Variants in AMOTL1 observed in about 807,000 individuals in gnomAD.
The protein encoded by AMOTL1 is angiomotin like 1.
A neutral mutation model predicts 102.9 loss-of-function variants in AMOTL1; 45 were observed. That is an observed-to-expected ratio of 0.44 (90% CI 0.34 to 0.56). The LOEUF is 0.56. Among genes scored for constraint, AMOTL1 ranks in the 20% least tolerant of loss-of-function variants. The pLI, the probability that AMOTL1 is intolerant of heterozygous loss-of-function variation, is 0.01. For missense variants in AMOTL1, 1,114 were observed against 1,225.6 expected (o/e 0.91, Z 1.36); for synonymous variants, 481 against 484.7 (o/e 0.99, Z 0.10).
chr11:94,759,571 C>CAAAAA (rs59815376), intron 3 of AMOTL1, among the ~76,000 whole-genome samples: 3 of 129,882 alleles, frequency 2.3e-5, no homozygotes, highest in African/African-American at 8.6e-5. Flanking sequence ...CTTTTAGGTG[C>CAAAAA]AAAAAAAAAA....
At chr11:94,865,135 T>G (rs1443165073) in intron 10 of AMOTL1, among the ~76,000 whole-genome samples, 1 of 152,158 alleles carries the variant, frequency 6.6e-6, no homozygotes, top group East Asian at 1.9e-4. Context: ...CAGAAGAATT[T>G]AGATGTCTGT....
At chr11:94,819,438 G>T (rs1951824462) in intron 3 of AMOTL1, among the ~76,000 whole-genome samples, 1 of 152,066 alleles carries the variant, frequency 6.6e-6, no homozygotes, top group African/African-American at 2.4e-5. Flanking sequence ...TAGTTCCTCT[G>T]CCCTATTTTT....
intron 2 of AMOTL1, among the ~76,000 whole-genome samples, chr11:94,738,376 GC>G (rs1262282570): frequency 6.6e-6 from 1 of 151,824 alleles, no homozygotes; most frequent in Non-Finnish European, 1.5e-5. Flanking sequence ...TCCTGCCTCA[GC>G]CTCCTGAGTA....
At chr11:94,851,046 G>A (rs1423164402) in intron 7 of AMOTL1, among the ~76,000 whole-genome samples, 1 of 152,218 alleles carries the variant, frequency 6.6e-6, no homozygotes. Flanking sequence ...TGGAGTAAAC[G>A]AGGGTCTTGC....
intron 6 of AMOTL1, among the ~76,000 whole-genome samples, chr11:94,845,149 C>A (rs1410673313): frequency 1.3e-5 from 2 of 152,148 alleles, no homozygotes; most frequent in Non-Finnish European, 2.9e-5. Flanking sequence ...GGTCGTCTGT[C>A]CCATGGATCA....
intron 9 of AMOTL1, among the ~76,000 whole-genome samples, chr11:94,861,144 C>T (rs1463169606): frequency 1.3e-5 from 2 of 151,968 alleles, no homozygotes; most frequent in Non-Finnish European, 2.9e-5. Context: ...GGAAGCAGCC[C>T]GCAGTATCCA....
chr11:94,804,295 T>C (rs1281737621), intron 3 of AMOTL1, among the ~76,000 whole-genome samples: 1 of 152,178 alleles, frequency 6.6e-6, no homozygotes, highest in African/African-American at 2.4e-5. Flanking sequence ...AGGCAAATAG[T>C]GTTTTGTTGT....
intron 6 of AMOTL1, among the ~76,000 whole-genome samples, chr11:94,837,534 G>A (rs1355130526): frequency 7.2e-5 from 11 of 152,178 alleles, no homozygotes; most frequent in Admixed American, 7.2e-4. Context: ...GAGTGCTTAA[G>A]CCCACTTGAT....
chr11:94,808,194 T>C (rs1251870134), intron 3 of AMOTL1, among the ~76,000 whole-genome samples: 1 of 148,894 alleles, frequency 6.7e-6, no homozygotes, highest in African/African-American at 2.5e-5. Context: ...AAATCATCCC[T>C]CTGCTTACCT....
chr11:94,866,565 C>A, intron 11 of AMOTL1: 1 of 227,504 alleles, frequency 4.4e-6, no homozygotes, highest in African/African-American at 2.3e-5. Flanking sequence ...TGTCTGCCTG[C>A]TTTACCCCAT....
At chr11:94,734,104 G>C (rs1450021494) in intron 2 of AMOTL1, among the ~76,000 whole-genome samples, 1 of 152,180 alleles carries the variant, frequency 6.6e-6, no homozygotes, top group Admixed American at 6.5e-5. Flanking sequence ...AATTTTTAGA[G>C]GACACATTTG....
intron 9 of AMOTL1, among the ~76,000 whole-genome samples, chr11:94,864,435 A>G (rs1172904348): frequency 1.3e-5 from 2 of 152,120 alleles, no homozygotes; most frequent in Non-Finnish European, 2.9e-5. Flanking sequence ...CTATCTAGTT[A>G]AGGAAGAGAA....
chr11:94,756,569 G>A (rs148988676), intron 3 of AMOTL1, among the ~76,000 whole-genome samples: 23 of 152,200 alleles, frequency 1.5e-4, no homozygotes, highest in African/African-American at 5.5e-4. Flanking sequence ...CTGATTTCAT[G>A]ACCCACAATT....
Position 94,872,948 on chromosome 11 carries a change from T to C in AMOTL1, c.*2153T>C, listed in dbSNP as rs1255620039. 1 of 152,106 alleles carries C rather than the reference T, an allele frequency of 6.6e-6. No individual in the cohort carries two copies. The highest frequency in any genetic ancestry group is 1.5e-5 in the Non-Finnish European group (1 of 68,004). 9.4% of individuals were successfully genotyped at this position (152,106 alleles called of 1,614,324 possible). On this transcript the variant is annotated 3_prime_UTR_variant, in exon 13 of 13. Transcript: ENST00000433060. ...ATGACAGCTAACTCTCTTAAGGACA[T>C]TTTGACCCCAGTTTATGTTGGGGAT...
At chr11:94,868,398 C>T (rs959224135) in intron 11 of AMOTL1, among the ~76,000 whole-genome samples, 2 of 152,146 alleles carry the variant, frequency 1.3e-5, no homozygotes, top group African/African-American at 4.8e-5. Flanking sequence ...CCCAGCTTTC[C>T]AGGAAGGCTC....
chr11:94,818,443 A>G (rs1186842630), intron 3 of AMOTL1, among the ~76,000 whole-genome samples: 37 of 152,234 alleles, frequency 2.4e-4, no homozygotes, highest in Admixed American at 2.4e-3. Context: ...TCCTTGTGGA[A>G]TAAAGTTGCA....
chr11:94,741,226 G>A (rs1172139918), intron 3 of AMOTL1, among the ~76,000 whole-genome samples: 1 of 151,588 alleles, frequency 6.6e-6, no homozygotes, highest in Non-Finnish European at 1.5e-5. Context: ...GTGTGCGTGC[G>A]TGTGCGTGTG....
intron 2 of AMOTL1, 122 bp downstream of exon 2, chr11:94,795,282 G>T (rs1951346915): frequency 3.1e-6 from 4 of 1,271,376 alleles, no homozygotes; most frequent in Non-Finnish European, 4.4e-6. Context: ...CATCATATTG[G>T]ATTATTGATT....
At chr11:94,829,192 G>A (rs1352812263) in intron 4 of AMOTL1, among the ~76,000 whole-genome samples, 1 of 145,978 alleles carries the variant, frequency 6.9e-6, no homozygotes, top group Non-Finnish European at 1.5e-5. Context: ...TGATATATTT[G>A]TTTATGATTA....
Sources: gnomAD v4.1 joint callset for allele counts (sites outside exome capture counted in the v4.1 genomes callset) on GRCh38, gnomAD v4.1.1 for gene constraint, MANE v1.5 for transcripts, NCBI Gene and HGNC (gene_info 2026-07-23, HGNC 2026-07-21) for gene names.